Variants in FLT3 observed in about 807,000 individuals in gnomAD.
FLT3 encodes receptor-type tyrosine-protein kinase FLT3.
Under a neutral mutation model 126.6 loss-of-function variants are expected in FLT3, and 46 were observed. The observed-to-expected ratio is 0.36, with a 90% CI of 0.29 to 0.46. FLT3 has a LOEUF of 0.46. Ranked by LOEUF, FLT3 falls within the 20% of genes least tolerant of loss-of-function variation. FLT3 has a pLI of 1.00. For missense variants in FLT3, 1,069 were observed against 1,190.3 expected, an observed-to-expected ratio of 0.90 and a Z score of 1.50; for synonymous variants, 404 against 434.4, an observed-to-expected ratio of 0.93 and a Z score of 0.87.
At chr13:28,092,098 A>G (rs1879151752) in intron 1 of FLT3, among the ~76,000 whole-genome samples, 2 of 152,090 alleles carry the variant, frequency 1.3e-5, no homozygotes, top group Admixed American at 1.3e-4. Context: ...AAAAAAGAAT[A>G]TATCTGCTCA....
Position 28,048,407 on chromosome 13 carries a change from T to C in FLT3, c.1073A>G (p.Asp358Gly), listed in dbSNP as rs34172843. The C allele has an allele frequency of 1.9e-6, 3 of 1,610,466 alleles. No individual in the cohort carries two copies. The highest frequency in any genetic ancestry group is 1.3e-5 in the African/African-American group (1 of 75,000). Residue 358 changes from aspartate to glycine, a missense_variant, in exon 9 of 24, where the codon GAT becomes GGT. Transcript: ENST00000241453. Reference sequence around the variant, plus strand: ...CTCTTCATATTGGTCAATTTCATAATCTTCACTTGAATTGGTAGCATTTAT... The same window carrying C: ...CTCTTCATATTGGTCAATTTCATAACCTTCACTTGAATTGGTAGCATTTAT... ...GFINATNSSE[D>G]YEIDQYEEFC...
rs1347330463 is a variant in FLT3 at position 28,034,357 on chromosome 13, C to T, written c.1648G>A (p.Val550Ile). The change falls in exon 13 of 24, where the codon GTT (valine) becomes ATT (isoleucine). Residue 550 changes from valine to isoleucine, a missense_variant. Physicochemically the swap from Val to Ile is conservative, Grantham distance 29. Coordinates refer to ENST00000241453, the MANE Select transcript of FLT3 (RefSeq NM_004119.3). ...DNISFYATIGVCLLFIVVLTL... is the reference protein window; with the variant it reads ...DNISFYATIGICLLFIVVLTL... ...AAAACGACAATGAAGAGGAGACAAA[C>T]ACCAATTGTTGCATAGAATGAGATG... The T allele has an allele frequency of 1.2e-6, 2 of 1,614,106 alleles. No homozygotes were observed. Among genetic ancestry groups the T allele is most frequent in the Admixed American group, 1.7e-5 (1 of 60,024 alleles).
chr13:28,087,113 A>T (rs1878725944), intron 1 of FLT3, among the ~76,000 whole-genome samples: 2 of 152,232 alleles, frequency 1.3e-5, no homozygotes, highest in Admixed American at 6.5e-5. Flanking sequence ...TCTGTTGTCC[A>T]GGATGAAGTA....
chr13:28,069,775 T>A (rs1593286102), intron 2 of FLT3, among the ~76,000 whole-genome samples: 1 of 152,232 alleles, frequency 6.6e-6, no homozygotes, highest in East Asian at 1.9e-4. Context: ...TATAAAGCAT[T>A]TGCATCGTAT....
chr13:28,006,773 GTC>G (rs374382339), intron 23 of FLT3, among the ~76,000 whole-genome samples: 135 of 146,418 alleles, frequency 9.2e-4, no homozygotes, highest in African/African-American at 3.3e-3. Context: ...TTGTGACAGA[GTC>G]TCACTCTGTT....
chr13:28,055,526 C>G (rs1409220136), intron 4 of FLT3, among the ~76,000 whole-genome samples: 3 of 152,212 alleles, frequency 2.0e-5, no homozygotes, highest in Non-Finnish European at 4.4e-5. Context: ...CCATGCCACG[C>G]TGGTGGTTAA....
chr13:28,063,701 A>G (rs9554228), intron 2 of FLT3, among the ~76,000 whole-genome samples: 80,696 of 133,532 alleles, frequency 0.6, 22,647 homozygotes, highest in East Asian at 0.79. Context: ...ACTTACTATG[A>G]TAAGTGCAAG....
At chr13:28,040,116 C>A (rs955498725) in intron 9 of FLT3, among the ~76,000 whole-genome samples, 1 of 152,140 alleles carries the variant, frequency 6.6e-6, no homozygotes, top group Admixed American at 6.5e-5. Context: ...AATGTTAGAA[C>A]CTGTTTGTGA....
At chr13:28,035,770 ATAAGT>A in intron 11 of FLT3, 97 bp from the exon 12 acceptor site, 1 of 1,334,306 alleles carries the variant, frequency 7.5e-7, no homozygotes, top group Non-Finnish European at 1.0e-6. Flanking sequence ...TTCATCCAGT[ATAAGT>A]TATCAGAAAC....
chr13:28,006,719 C>G (rs1160580692), intron 23 of FLT3, among the ~76,000 whole-genome samples: 5 of 148,842 alleles, frequency 3.4e-5, no homozygotes, highest in East Asian at 2.0e-4. Context: ...TTTAAGTGAC[C>G]TTTCTTTCCT....
chr13:28,038,668 T>C (rs1230729369), intron 9 of FLT3, among the ~76,000 whole-genome samples: 1 of 152,058 alleles, frequency 6.6e-6, no homozygotes, highest in East Asian at 1.9e-4. Context: ...TTAGCCAGGA[T>C]GGTCTCGATC....
At chr13:28,025,456 A>G (rs1593228785) in intron 17 of FLT3, 3 of 432,714 alleles carry the variant, frequency 6.9e-6, no homozygotes, top group Admixed American at 5.5e-5. Flanking sequence ...ATCTCTTTTA[A>G]GGTATATAAA....
chr13:28,006,471 A>T (rs1870905781), intron 23 of FLT3, among the ~76,000 whole-genome samples: 1 of 152,194 alleles, frequency 6.6e-6, no homozygotes, highest in Non-Finnish European at 1.5e-5. Flanking sequence ...GTTAGTTAGC[A>T]TTTGTTGAAC....
chr13:28,059,559 A>G (rs563006029), intron 3 of FLT3, among the ~76,000 whole-genome samples: 2 of 152,364 alleles, frequency 1.3e-5, no homozygotes, highest in South Asian at 4.1e-4. Context: ...TAGATAGCAC[A>G]TAACATTGCA....
rs745828241 is a variant in FLT3, at chr13:28,035,583, C to T, written c.1509G>A (p.Met503Ile). The T allele has an allele frequency of 6.2e-7, 1 of 1,614,146 alleles. No individual in the cohort carries two copies. Among genetic ancestry groups the T allele is most frequent in the Admixed American group, 1.7e-5 (1 of 60,022 alleles). Residue 503 changes from methionine to isoleucine, a missense_variant, in exon 12 of 24, where the codon ATG (methionine) becomes ATA (isoleucine). Coordinates refer to ENST00000241453, the MANE Select transcript of FLT3 (RefSeq NM_004119.3). ...GQWVSSSTLN[M>I]SEAIKGFLVK... ...CCAGGAACCCTTTTATGGCTTCACT[C>T]ATGTTTAGAGTACTGCTCGACACCC...
intron 1 of FLT3, among the ~76,000 whole-genome samples, chr13:28,088,785 T>C (rs927481336): frequency 6.7e-6 from 1 of 149,330 alleles, no homozygotes; most frequent in African/African-American, 2.5e-5. Flanking sequence ...GGGGTTTCAC[T>C]ATGTTGGCCA....
At chr13:28,036,952 C>T (rs867506839) in intron 10 of FLT3, among the ~76,000 whole-genome samples, 9 of 152,026 alleles carry the variant, frequency 5.9e-5, no homozygotes, top group Admixed American at 6.6e-5. Flanking sequence ...CCCCAGCCTG[C>T]GTGGTAGAGT....
chr13:28,070,447 T>G, intron 2 of FLT3, 44 bp downstream of exon 2: 1 of 1,562,314 alleles, frequency 6.4e-7, no homozygotes, highest in African/African-American at 1.4e-5. Flanking sequence ...AATTACGTTC[T>G]CTAGAGAAAA....
chr13:28,079,944 G>C (rs1392903242), intron 1 of FLT3, among the ~76,000 whole-genome samples: 1 of 152,156 alleles, frequency 6.6e-6, no homozygotes, highest in East Asian at 1.9e-4. Flanking sequence ...GGAGGGGGAT[G>C]CCAGGCTCTT....
Sources: gnomAD v4.1 joint callset for allele counts (sites outside exome capture counted in the v4.1 genomes callset) on GRCh38, gnomAD v4.1.1 for gene constraint, MANE v1.5 for transcripts, NCBI Gene and HGNC (gene_info 2026-07-23, HGNC 2026-07-21) for gene names.